BCL2L11: variants seen among roughly 807,000 people sequenced by gnomAD.
BCL2L11 encodes the protein bcl-2-like protein 11.
A neutral mutation model predicts 20.6 loss-of-function variants in BCL2L11; 15 were observed. That is an observed-to-expected ratio of 0.73 (90% confidence interval 0.49 to 1.12). The LOEUF (loss-of-function observed/expected upper bound fraction) is 1.12, where lower values mean the gene tolerates loss of function less well. Ranked by LOEUF, BCL2L11 falls within the 50% of genes most tolerant of loss-of-function variation. BCL2L11 has a pLI of 0.00. For missense variants in BCL2L11, 292 were observed against 260.9 expected (o/e 1.12, Z -0.82); for synonymous variants, 108 against 92.8 (o/e 1.16, Z -0.94).
chr2:111,136,282 A>G (rs2074872345), intron 2 of BCL2L11, among the ~76,000 whole-genome samples: 1 of 152,140 alleles, frequency 6.6e-6, no homozygotes, highest in Admixed American at 6.5e-5. Flanking sequence ...GGGAGTGAGG[A>G]AAACGGCATA....
At chr2:111,145,245 A>C (rs1264551695) in intron 2 of BCL2L11, among the ~76,000 whole-genome samples, 2 of 152,200 alleles carry the variant, frequency 1.3e-5, no homozygotes, top group Non-Finnish European at 2.9e-5. Flanking sequence ...TCCCAGACTG[A>C]GGCTGCAGTT....
intron 2 of BCL2L11, among the ~76,000 whole-genome samples, chr2:111,124,379 C>T (rs2072019561): frequency 6.6e-6 from 1 of 152,036 alleles, no homozygotes; most frequent in Non-Finnish European, 1.5e-5. Flanking sequence ...CAAGCTCCAC[C>T]TCCCGGGTTC....
chr2:111,120,988 C>CGCCGCCGCCGCCGCTGCCGCCGCCGCT lies in BCL2L11; in HGVS notation c.-200_-199insTGCCGCCGCCGCTGCCGCCGCCGCCGC. The CGCCGCCGCCGCCGCTGCCGCCGCCGCT allele has an allele frequency of 3.1e-6, 1 of 327,620 alleles. No homozygotes were observed. The highest frequency in any genetic ancestry group is 2.5e-5 in the African/African-American group (1 of 40,582). The allele number at this position is 327,620 out of a possible 1,614,324, so 20.3% of individuals were successfully genotyped here. ...CCAGCGCCGCTGCCGCTGCCGCCGC[C>CGCCGCCGCCGCCGCTGCCGCCGCCGCT]GCCGCCGCCGCCGCCGCCGCCGCCG... On this transcript the variant is annotated 5_prime_UTR_variant, in exon 1 of 4. Coordinates refer to ENST00000393256, the MANE Select transcript of BCL2L11 (RefSeq NM_138621.5).
intron 2 of BCL2L11, chr2:111,132,388 T>G (rs2074112445): frequency 6.6e-6 from 1 of 152,228 alleles, no homozygotes; most frequent in Admixed American, 6.5e-5. Flanking sequence ...GGATGCAGTT[T>G]GAGTTGTAGG....
chr2:111,146,186 C>T, intron 2 of BCL2L11: 1 of 985,118 alleles, frequency 1.0e-6, no homozygotes, highest in Non-Finnish European at 1.2e-6. Flanking sequence ...AGAATTTCCC[C>T]TTTGAAGAAT....
chr2:111,144,535 G>A, intron 2 of BCL2L11: 1 of 1,550,376 alleles, frequency 6.5e-7, no homozygotes, highest in East Asian at 2.4e-5. Context: ...GTTTTATAAG[G>A]AAACATAAGG....
At chr2:111,138,236 T>C in intron 2 of BCL2L11, among the ~76,000 whole-genome samples, 1 of 152,150 alleles carries the variant, frequency 6.6e-6, no homozygotes, top group East Asian at 1.9e-4. Context: ...CTCGAACTCC[T>C]GACCTGAAGT....
At chr2:111,138,898 C>T (rs991442045) in intron 2 of BCL2L11, among the ~76,000 whole-genome samples, 2 of 152,054 alleles carry the variant, frequency 1.3e-5, no homozygotes, top group African/African-American at 2.4e-5. Context: ...ATAAGCAAAT[C>T]GACAGAAAGC....
intron 3 of BCL2L11, among the ~76,000 whole-genome samples, chr2:111,158,459 T>A (rs969851641): frequency 6.6e-6 from 1 of 152,122 alleles, no homozygotes; most frequent in Non-Finnish European, 1.5e-5. Context: ...GCTTCCTCAG[T>A]TGCCTGAGCC....
chr2:111,160,001 A>G (rs1360592340), intron 3 of BCL2L11, among the ~76,000 whole-genome samples: 1 of 152,268 alleles, frequency 6.6e-6, no homozygotes, highest in Non-Finnish European at 1.5e-5. Context: ...TTACACTTAG[A>G]GGGCACAGTC....
intron 3 of BCL2L11, chr2:111,161,268 C>A (rs1250577045): frequency 1.0e-6 from 1 of 978,870 alleles, no homozygotes. Context: ...GGAAGATACC[C>A]AGAAGTTTCA....
At chr2:111,130,064 A>G (rs2073592637) in intron 2 of BCL2L11, 2 of 370,172 alleles carry the variant, frequency 5.4e-6, no homozygotes, top group Non-Finnish European at 1.0e-5. Flanking sequence ...GCACAGCTGG[A>G]ACTCAGGGAG....
rs567096813 is a variant in BCL2L11 at position 111,146,609 on chromosome 2, C to T, written c.395-3435C>T. ...AAAGGAAATAACAAAACTTAATTCT[C>T]GTGCTGATCGGTGCCACTGTGGGGC... On this transcript the variant is annotated intron_variant, in intron 2 of 3. Transcript: ENST00000393256. Among the ~76,000 whole-genome samples, 7 of 152,282 alleles carry T rather than the reference C, an allele frequency of 4.6e-5. 1 individual carries two copies. Among genetic ancestry groups the T allele is most frequent in the Admixed American group, 2.6e-4 (4 of 15,300 alleles).
intron 1 of BCL2L11, chr2:111,122,958 G>T: frequency 3.0e-6 from 3 of 985,558 alleles, no homozygotes; most frequent in Non-Finnish European, 3.6e-6. Flanking sequence ...TGAGGGGAGG[G>T]TCTGTGGGAT....
At chr2:111,129,360 G>C (rs751116435) in intron 2 of BCL2L11, among the ~76,000 whole-genome samples, 3 of 152,168 alleles carry the variant, frequency 2.0e-5, no homozygotes, top group Non-Finnish European at 4.4e-5. Flanking sequence ...GAAAGTGCTA[G>C]AAGAGAAAGA....
rs200096617 is a variant in BCL2L11 at position 111,160,618 on chromosome 2, G to T, written c.499-3515G>T. Among the ~76,000 whole-genome samples, 12 of 152,324 alleles carry T rather than the reference G, an allele frequency of 7.9e-5. No homozygotes were observed. In the East Asian group the frequency reaches 2.3e-3, roughly 29 times the overall value. On this transcript the variant is annotated intron_variant, in intron 3 of 3. Coordinates refer to ENST00000393256, the MANE Select transcript of BCL2L11 (RefSeq NM_138621.5). Reference sequence around the variant, plus strand: ...CTTGATTTAGGCTATGGAGATTACAGTACCCAACTGGGTGGGGCCCTCCTC... The same window carrying T: ...CTTGATTTAGGCTATGGAGATTACATTACCCAACTGGGTGGGGCCCTCCTC...
intron 2 of BCL2L11, among the ~76,000 whole-genome samples, chr2:111,137,719 G>A (rs1433166869): frequency 6.8e-6 from 1 of 147,996 alleles, no homozygotes; most frequent in African/African-American, 2.5e-5. Flanking sequence ...ACAGCCAAAC[G>A]ACTGTCCTTG....
At chr2:111,131,365 T>G (rs2073923765) in intron 2 of BCL2L11, 1 of 152,062 alleles carries the variant, frequency 6.6e-6, no homozygotes, top group Non-Finnish European at 1.5e-5. Flanking sequence ...ATTGGTCCCT[T>G]TCTTCTAAGT....
chr2:111,154,468 C>CTT (rs1559078442), intron 3 of BCL2L11, among the ~76,000 whole-genome samples: 1 of 152,078 alleles, frequency 6.6e-6, no homozygotes, highest in Non-Finnish European at 1.5e-5. Flanking sequence ...GTTCCTCTGT[C>CTT]TTTGTCTTTT....
Sources: gnomAD v4.1 joint callset for allele counts (sites outside exome capture counted in the v4.1 genomes callset) on GRCh38, gnomAD v4.1.1 for gene constraint, MANE v1.5 for transcripts, NCBI Gene and HGNC (gene_info 2026-07-23, HGNC 2026-07-21) for gene names.